Variants in C1QTNF6 observed in about 807,000 individuals in gnomAD.
The protein encoded by C1QTNF6 is complement C1q tumor necrosis factor-related protein 6.
Under a neutral mutation model 20.7 loss-of-function variants are expected in C1QTNF6, and 17 were observed. The ratio of observed to expected loss-of-function variants is 0.82; its 90% confidence interval spans 0.56 to 1.23. C1QTNF6 has a LOEUF of 1.23. C1QTNF6 is among the 50% of genes most tolerant of loss of function. The pLI, the probability that C1QTNF6 is intolerant of heterozygous loss-of-function variation, is 0.00. For missense variants in C1QTNF6, 329 were observed against 389.7 expected (o/e 0.84, Z 1.31); for synonymous variants, 130 against 156.3 (o/e 0.83, Z 1.25).
At position 37,184,271 on chromosome 22, in the gene C1QTNF6, AGCTGTGTG is replaced by A. The variant is rs1924066089; in HGVS notation, c.289+939_289+946del. ...AACAAATCCTGGCTCCATCCCTGACAGCTGTGTGGCCCCAGGAGACTGGGTTTCCCCAT... is the reference window on the plus strand; with the variant it reads ...AACAAATCCTGGCTCCATCCCTGACAGCCCCAGGAGACTGGGTTTCCCCAT... On this transcript the variant is annotated intron_variant, in intron 2 of 2. Transcript: ENST00000337843. The surrounding 1 kb of genome is among the most constrained non-coding windows in gnomAD (Gnocchi z 4.0). The A allele has an allele frequency of 2.9e-6, 2 of 696,272 alleles. No homozygotes were observed. The highest frequency in any genetic ancestry group is 5.4e-6 in the Non-Finnish European group (2 of 372,062). 43.1% of individuals were successfully genotyped at this position (696,272 alleles called of 1,614,324 possible).
intron 1 of C1QTNF6, 44 bp downstream of exon 1, chr22:37,188,119 C>T (rs1924538619): frequency 1.3e-6 from 2 of 1,578,956 alleles, no homozygotes; most frequent in Non-Finnish European, 1.7e-6. Flanking sequence ...GAATTCCAGG[C>T]TCTGACCCCA....
Position 37,185,393 on chromosome 22 carries a change from C to A in C1QTNF6, c.114G>T (p.Met38Ile), listed in dbSNP as rs112360472. ...VWAALLLFLLMCEIPMVELTF... is the reference protein window; with the variant it reads ...VWAALLLFLLICEIPMVELTF... ...TGAGCTCCACCATAGGGATCTCACACATCAGGAGAAAGAGCAGGAGCGCTG... is the reference window on the plus strand; with the variant it reads ...TGAGCTCCACCATAGGGATCTCACAAATCAGGAGAAAGAGCAGGAGCGCTG... The change falls in exon 2 of 3, where the codon ATG (methionine) becomes ATT (isoleucine). Residue 38 changes from methionine to isoleucine, a missense_variant. Transcript: ENST00000337843. 30 of 1,613,402 alleles carry A rather than the reference C, an allele frequency of 1.9e-5. No individual in the cohort carries two copies. In the African/African-American group the frequency reaches 3.3e-4, roughly 18 times the overall value.
chr22:37,183,893 G>C (rs891559752), intron 2 of C1QTNF6, among the ~76,000 whole-genome samples: 1 of 152,160 alleles, frequency 6.6e-6, no homozygotes, highest in African/African-American at 2.4e-5. Flanking sequence ...AGCTCAGGGC[G>C]GGGGAGAGAC....
rs1013039981 is a variant in C1QTNF6 at position 37,182,326 on chromosome 22, A to G, written c.699T>C (p.Ser233=). The change falls in exon 3 of 3, where the codon AGT becomes AGC. Residue 233 remains serine, a synonymous_variant. Coordinates refer to ENST00000337843, the MANE Select transcript of C1QTNF6 (RefSeq NM_031910.4). ...CCCCGTAGGCCAGGTCCAGCATCAC[A>G]CTCTGGCTCTGCATGATGCTGCGCT... ...PSERSIMQSQ[S]VMLDLAYGDR... 3.1e-6 allele frequency: 5 copies of G among 1,614,070 alleles called. No individual in the cohort carries two copies. Among genetic ancestry groups the G allele is most frequent in the Admixed American group, 3.3e-5 (2 of 60,010 alleles).
chr22:37,189,431 A>G (rs1228695087), upstream of C1QTNF6, among the ~76,000 whole-genome samples: 2 of 152,076 alleles, frequency 1.3e-5, no homozygotes, highest in African/African-American at 4.8e-5. Context: ...GCCTCATTTT[A>G]CCCAGCCCCT....
chr22:37,195,695 A>T (rs1925094989), intron 1 of C1QTNF6: 1 of 152,214 alleles, frequency 6.6e-6, no homozygotes. Context: ...ATTATTAATC[A>T]GTTTTCCAAG....
At position 37,182,596 on chromosome 22, in the gene C1QTNF6, G is replaced by A. The variant is rs1286566124; in HGVS notation, c.429C>T (p.Phe143=). ...GSPGAPCQKR[F]FAFSVGRKTA... ...TCTTGCGGCCCACTGAGAAGGCGAA[G>A]AAGCGCTTCTGGCACGGGGCGCCGG... Residue 143 remains phenylalanine (F), a synonymous_variant, in exon 3 of 3, where the codon TTC becomes TTT. Transcript: ENST00000337843. 1.2e-6 allele frequency: 2 copies of A among 1,613,882 alleles called. No individual in the cohort carries two copies. Among genetic ancestry groups the A allele is most frequent in the Non-Finnish European group, 1.7e-6 (2 of 1,180,054 alleles).
At chr22:37,198,570 T>A (rs1925289678), upstream of C1QTNF6, among the ~76,000 whole-genome samples, 1 of 152,186 alleles carries the variant, frequency 6.6e-6, no homozygotes, top group African/African-American at 2.4e-5. Flanking sequence ...AGGCTCTGAG[T>A]GGCAAGTCAC....
chr22:37,182,046 A>G lies in C1QTNF6; in HGVS notation c.*142T>C. 1.1e-6 allele frequency: 1 copy of G among 874,768 alleles called. No individual in the cohort carries two copies. The highest frequency in any genetic ancestry group is 1.7e-6 in the Non-Finnish European group (1 of 587,578). 54.2% of individuals were successfully genotyped at this position (874,768 alleles called of 1,614,324 possible). A position where few individuals can be genotyped will look rare whatever the true frequency, so the allele number is the denominator to read the frequency against. On this transcript the variant is annotated 3_prime_UTR_variant, in exon 3 of 3. Transcript: ENST00000337843. ...TAGGCTGGGAGGGATGATGGCAGCCAAGATAGAAGCAGGGTCTCCCCAGAA... is the reference window on the plus strand; with the variant it reads ...TAGGCTGGGAGGGATGATGGCAGCCGAGATAGAAGCAGGGTCTCCCCAGAA...
upstream of C1QTNF6, chr22:37,190,739 A>G (rs899891941): frequency 3.3e-5 from 5 of 152,322 alleles, no homozygotes; most frequent in African/African-American, 1.2e-4. Flanking sequence ...ACTTATGCAA[A>G]TAACTATATT....
intron 1 of C1QTNF6, among the ~76,000 whole-genome samples, chr22:37,186,205 A>G (rs549795068): frequency 6.6e-6 from 1 of 152,370 alleles, no homozygotes; most frequent in African/African-American, 2.4e-5. Context: ...GCTAGTCTTT[A>G]GAGTGCCTTT....
In C1QTNF6 at chr22:37,185,720, A is replaced by G. The variant is rs374421175; in HGVS notation, c.52-265T>C. The G allele has an allele frequency of 7.7e-5, 87 of 1,129,376 alleles. No homozygotes were observed. In the East Asian group the frequency reaches 2.2e-3, roughly 28 times the overall value. The allele number at this position is 1,129,376 out of a possible 1,614,324, so 70.0% of individuals were successfully genotyped here. A position where few individuals can be genotyped will look rare whatever the true frequency, so the allele number is the denominator to read the frequency against. ...GTCCATGGAGGCTTCTGCTCCACAC[A>G]GGCCTTGGAAGGATGAAGCCCCTCT... On this transcript the variant is annotated intron_variant, in intron 1 of 2. Coordinates refer to ENST00000337843, the MANE Select transcript of C1QTNF6 (RefSeq NM_031910.4).
chr22:37,193,257 A>G (rs1182033128), upstream of C1QTNF6, among the ~76,000 whole-genome samples: 2 of 152,248 alleles, frequency 1.3e-5, no homozygotes, highest in African/African-American at 2.4e-5. Flanking sequence ...AGATAACACA[A>G]TACAAAACAG....
rs1038562895 is a variant in C1QTNF6, at chr22:37,184,134, G to A, written c.289+1084C>T. ...AAGTCAGCCCTGGGGAAGCTGGGTGGGGAGGGGGGTGTGAGGAAGAGCAAC... is the reference window on the plus strand; with the variant it reads ...AAGTCAGCCCTGGGGAAGCTGGGTGAGGAGGGGGGTGTGAGGAAGAGCAAC... On this transcript the variant is annotated intron_variant, in intron 2 of 2. Transcript: ENST00000337843. This position sits in a 1 kb window ranked among gnomAD's most constrained non-coding sequence, Gnocchi z 4.0. 6.6e-6 allele frequency among the ~76,000 whole-genome samples: 1 copy of A among 152,100 alleles called. No individual in the cohort carries two copies. The highest frequency in any genetic ancestry group is 1.5e-5 in the Non-Finnish European group (1 of 68,002).
chr22:37,182,143 G>A lies in C1QTNF6; in HGVS notation c.*45C>T, dbSNP rs766918223. On this transcript the variant is annotated 3_prime_UTR_variant, in exon 3 of 3. Coordinates refer to ENST00000337843, the MANE Select transcript of C1QTNF6 (RefSeq NM_031910.4). ...GCAAACTGAGCCCTGCAGGGGACGGGACCAGCACCTGAGCTCTCCAGCCGG... is the reference window on the plus strand; with the variant it reads ...GCAAACTGAGCCCTGCAGGGGACGGAACCAGCACCTGAGCTCTCCAGCCGG... 1.2e-5 allele frequency: 19 copies of A among 1,567,458 alleles called. No homozygotes were observed. The African/African-American group carries it at 2.0e-4, about 17-fold the overall frequency.
chr22:37,183,098 G>T, intron 2 of C1QTNF6: 1 of 230,160 alleles, frequency 4.3e-6, no homozygotes, highest in Non-Finnish European at 7.1e-6. Flanking sequence ...CAGGACCACA[G>T]CGCAGTCCAG....
chr22:37,186,378 T>C (rs1924340817), intron 1 of C1QTNF6, among the ~76,000 whole-genome samples: 1 of 152,144 alleles, frequency 6.6e-6, no homozygotes, highest in Non-Finnish European at 1.5e-5. Flanking sequence ...CCCAACCTTA[T>C]CCAGAAGCCC....
In C1QTNF6 at chr22:37,180,322, G is replaced by A. The variant is rs8279; in HGVS notation, c.*1866C>T. 19,362 of 152,798 alleles carry A rather than the reference G, an allele frequency of 0.13. 1,569 individuals are homozygous for A. The highest frequency in any genetic ancestry group is 0.19 in the Non-Finnish European group (13,005 of 68,082). 9.5% of individuals were successfully genotyped at this position (152,798 alleles called of 1,614,324 possible). A position where few individuals can be genotyped will look rare whatever the true frequency, so the allele number is the denominator to read the frequency against. ...CTGGCCATGGAGCCACGGCTCCTCG[G>A]CTGTGAGCACCAGAGATCACCCCCC... is the stretch of plus-strand genomic sequence containing the variant. On this transcript the variant is annotated 3_prime_UTR_variant, in exon 3 of 3. Coordinates refer to ENST00000337843, the MANE Select transcript of C1QTNF6 (RefSeq NM_031910.4).
chr22:37,188,897 A>G (rs1924620011), upstream of C1QTNF6, among the ~76,000 whole-genome samples: 1 of 152,230 alleles, frequency 6.6e-6, no homozygotes, highest in Admixed American at 6.5e-5. Context: ...CTTGCACCAG[A>G]AAGAATTTGG....
Sources: gnomAD v4.1 joint callset for allele counts (sites outside exome capture counted in the v4.1 genomes callset) on GRCh38, gnomAD v4.1.1 for gene constraint, Gnocchi (gnomAD v3.1) non-coding constraint, MANE v1.5 for transcripts, NCBI Gene and HGNC (gene_info 2026-07-23, HGNC 2026-07-21) for gene names.